KHDRBS2: variants seen among roughly 807,000 people sequenced by gnomAD.
KHDRBS2 encodes KH RNA binding domain containing, signal transduction associated 2.
Under a neutral mutation model 44.3 loss-of-function variants are expected in KHDRBS2, and 26 were observed. The observed-to-expected ratio is 0.59, with a 90% CI of 0.43 to 0.81. The LOEUF is 0.81. KHDRBS2 is among the 40% of genes least tolerant of loss of function. The probability of loss-of-function intolerance (pLI) is 0.00; values close to 1 mark genes in which losing one functional copy is unlikely to be tolerated. For synonymous variants in KHDRBS2, 194 were observed against 151.1 expected (o/e 1.28, Z -2.08); for missense variants, 476 against 433.1 (o/e 1.10, Z -0.88).
At chr6:61,709,416 T>A (rs138505064) in intron 7 of KHDRBS2, among the ~76,000 whole-genome samples, 1,881 of 151,684 alleles carry the variant, frequency 0.012, 23 homozygotes, top group Non-Finnish European at 0.021. Context: ...CAATGATTCC[T>A]TTTATAAAAA....
the KHDRBS2 span, among the ~76,000 whole-genome samples, chr6:61,639,278 G>C: frequency 6.6e-6 from 1 of 151,986 alleles, no homozygotes; most frequent in Non-Finnish European, 1.5e-5. Flanking sequence ...TCCTGCCAAA[G>C]CTGTCCTCTA....
intron 6 of KHDRBS2, among the ~76,000 whole-genome samples, chr6:61,868,535 T>C (rs774380510): frequency 2.0e-5 from 3 of 151,940 alleles, no homozygotes; most frequent in Non-Finnish European, 4.4e-5. Context: ...AGCTGGGAGG[T>C]CCTGCCCAGT....
intron 2 of KHDRBS2, among the ~76,000 whole-genome samples, chr6:62,168,187 G>C (rs958864811): frequency 2.0e-5 from 3 of 152,140 alleles, no homozygotes; most frequent in Non-Finnish European, 4.4e-5. Context: ...ACAGGGGAAT[G>C]TGGCTGCATT....
intron 6 of KHDRBS2, among the ~76,000 whole-genome samples, chr6:61,769,285 A>G (rs1273072640): frequency 6.6e-6 from 1 of 152,132 alleles, no homozygotes; most frequent in Non-Finnish European, 1.5e-5. Flanking sequence ...TACCGGGTTC[A>G]TCTCACTGGA....
intron 3 of KHDRBS2, among the ~76,000 whole-genome samples, chr6:61,988,869 T>C (rs553241728): frequency 1.4e-4 from 22 of 152,236 alleles, no homozygotes; most frequent in Admixed American, 5.9e-4. Flanking sequence ...CTAGCAGTCA[T>C]AAAGAGGAAA....
At chr6:61,679,563 C>G (rs1766130780), downstream of KHDRBS2, among the ~76,000 whole-genome samples, 1 of 151,944 alleles carries the variant, frequency 6.6e-6, no homozygotes, top group Non-Finnish European at 1.5e-5. Context: ...CATCAGCCAT[C>G]AAGTCTGATA....
intron 6 of KHDRBS2, among the ~76,000 whole-genome samples, chr6:61,865,651 C>T (rs1186864108): frequency 6.6e-6 from 1 of 152,160 alleles, no homozygotes; most frequent in African/African-American, 2.4e-5. Flanking sequence ...CATGTCCTCA[C>T]ATTTCAAAAC....
the KHDRBS2 span, among the ~76,000 whole-genome samples, chr6:61,568,455 C>T: frequency 6.6e-6 from 1 of 152,092 alleles, no homozygotes; most frequent in Non-Finnish European, 1.5e-5. Flanking sequence ...ATGAACAGAA[C>T]AGCATGTGGA....
At chr6:62,252,358 G>C (rs1371049103) in intron 1 of KHDRBS2, among the ~76,000 whole-genome samples, 3 of 151,814 alleles carry the variant, frequency 2.0e-5, no homozygotes, top group African/African-American at 7.2e-5. Flanking sequence ...TTACCTATTT[G>C]AATAACACCT....
At chr6:61,617,504 A>G in the KHDRBS2 span, among the ~76,000 whole-genome samples, 1 of 152,312 alleles carries the variant, frequency 6.6e-6, no homozygotes, top group African/African-American at 2.4e-5. Context: ...ATAACATTCT[A>G]ATATCTTGTA....
chr6:62,062,239 G>C (rs1215743055), intron 2 of KHDRBS2, among the ~76,000 whole-genome samples: 1 of 148,592 alleles, frequency 6.7e-6, no homozygotes, highest in African/African-American at 2.5e-5. Flanking sequence ...AGTCAGCAAG[G>C]ATACCCAGGA....
At chr6:62,218,390 G>A (rs1830367191) in intron 1 of KHDRBS2, among the ~76,000 whole-genome samples, 1 of 151,710 alleles carries the variant, frequency 6.6e-6, no homozygotes, top group Non-Finnish European at 1.5e-5. Flanking sequence ...ATAACAATCT[G>A]CAGCACACAA....
At chr6:61,628,202 T>C in the KHDRBS2 span, among the ~76,000 whole-genome samples, 3 of 143,572 alleles carry the variant, frequency 2.1e-5, no homozygotes, top group Non-Finnish European at 4.5e-5. Flanking sequence ...CACTGGTACA[T>C]GTGTAGCCTT....
chr6:61,960,822 T>C (rs1444359707), intron 4 of KHDRBS2, among the ~76,000 whole-genome samples: 2 of 152,016 alleles, frequency 1.3e-5, no homozygotes, highest in African/African-American at 4.8e-5. Flanking sequence ...AGGTAAAGAG[T>C]AGAAGAATTC....
At chr6:61,721,190 T>C (rs1772447800) in intron 7 of KHDRBS2, among the ~76,000 whole-genome samples, 1 of 152,120 alleles carries the variant, frequency 6.6e-6, no homozygotes, top group Non-Finnish European at 1.5e-5. Context: ...AGCCTTGTAG[T>C]ATAGTTTGAA....
chr6:62,041,296 A>T (rs1786445459), intron 3 of KHDRBS2, among the ~76,000 whole-genome samples: 1 of 151,966 alleles, frequency 6.6e-6, no homozygotes, highest in Admixed American at 6.6e-5. Context: ...GCACCACTAC[A>T]CTCTAGCCTG....
chr6:61,753,746 G>C (rs1488025971), intron 6 of KHDRBS2, among the ~76,000 whole-genome samples: 1 of 152,068 alleles, frequency 6.6e-6, no homozygotes, highest in African/African-American at 2.4e-5. Context: ...ACTAATAATG[G>C]CATGAATGGT....
Position 61,838,342 on chromosome 6 carries a change from G to A in KHDRBS2, c.810+56293C>T, listed in dbSNP as rs183646432. Among the ~76,000 whole-genome samples the A allele has an allele frequency of 2.6e-3, 391 of 151,876 alleles. 1 individual carries two copies. The highest frequency in any genetic ancestry group is 8.8e-3 in the African/African-American group (365 of 41,466). On this transcript the variant is annotated intron_variant, in intron 6 of 8. Transcript: ENST00000281156. ...TATTTGAGTAATGCCTAAGGCCAAA[G>A]ACATAAGAAAATTAAAGAAAGCATA...
chr6:62,017,038 A>T (rs978453797), intron 3 of KHDRBS2, among the ~76,000 whole-genome samples: 4 of 152,094 alleles, frequency 2.6e-5, no homozygotes, highest in South Asian at 2.1e-4. Context: ...AATTAAATAA[A>T]TTTTTTCTCT....
Sources: allele counts gnomAD v4.1 joint callset (sites outside exome capture counted in the v4.1 genomes callset), GRCh38; gene constraint gnomAD v4.1.1; transcripts MANE v1.5; gene names NCBI Gene and HGNC (gene_info 2026-07-23, HGNC 2026-07-21).